F13A1: variants seen among roughly 807,000 people sequenced by gnomAD.
F13A1 encodes the protein FSF, A subunit.
In F13A1, 47 loss-of-function variants were observed where a neutral mutation model predicts 80.1. The ratio of observed to expected loss-of-function variants is 0.59; its 90% CI spans 0.46 to 0.75. The LOEUF (loss-of-function observed/expected upper bound fraction) is 0.75. Ranked by LOEUF, F13A1 falls within the 30% of genes least tolerant of loss-of-function variation. The probability of loss-of-function intolerance (pLI) is 0.00; values close to 1 mark genes in which losing one functional copy is unlikely to be tolerated. For synonymous variants in F13A1, 349 were observed against 344.9 expected, an observed-to-expected ratio of 1.01 and a Z score of -0.13; for missense variants, 817 against 930.4, an observed-to-expected ratio of 0.88 and a Z score of 1.59.
intron 10 of F13A1, among the ~76,000 whole-genome samples, chr6:6,190,060 G>T (rs1163626755): frequency 1.3e-5 from 2 of 152,108 alleles, no homozygotes; most frequent in African/African-American, 2.4e-5. Context: ...CTTGAGCCTT[G>T]CTTTTCAGCT....
At chr6:6,220,147 C>G (rs969448699) in intron 8 of F13A1, among the ~76,000 whole-genome samples, 5 of 152,146 alleles carry the variant, frequency 3.3e-5, no homozygotes, top group Non-Finnish European at 7.3e-5. Context: ...GGTCTCAGCC[C>G]CGCAGTCAGT....
intron 12 of F13A1, among the ~76,000 whole-genome samples, chr6:6,170,452 A>G (rs567485661): frequency 6.6e-6 from 1 of 152,334 alleles, no homozygotes; most frequent in African/African-American, 2.4e-5. Context: ...TTGCCACTGC[A>G]CAAGAAATTG....
intron 8 of F13A1, among the ~76,000 whole-genome samples, chr6:6,205,397 A>G (rs1158451162): frequency 2.6e-5 from 4 of 152,362 alleles, no homozygotes; most frequent in Middle Eastern, 6.8e-3. Context: ...CGGAAAGGAC[A>G]TCAACGCTAA....
chr6:6,206,824 G>A (rs1487370163), intron 8 of F13A1, among the ~76,000 whole-genome samples: 1 of 150,726 alleles, frequency 6.6e-6, no homozygotes, highest in Admixed American at 6.7e-5. Flanking sequence ...AATAATATGT[G>A]TTTCAGCAGA....
chr6:6,194,229 T>A (rs971387028), intron 10 of F13A1, among the ~76,000 whole-genome samples: 4 of 152,000 alleles, frequency 2.6e-5, no homozygotes. Flanking sequence ...GTGAAAACTC[T>A]CCCTCACTTA....
At chr6:6,302,817 G>A (rs188710787) in intron 3 of F13A1, among the ~76,000 whole-genome samples, 1 of 152,150 alleles carries the variant, frequency 6.6e-6, no homozygotes, top group Non-Finnish European at 1.5e-5. Context: ...ATCTGTCATT[G>A]ACTGAAATGT....
chr6:6,220,503 T>C (rs1757176254), intron 8 of F13A1, among the ~76,000 whole-genome samples: 1 of 151,992 alleles, frequency 6.6e-6, no homozygotes, highest in Admixed American at 6.6e-5. Flanking sequence ...ATCAAGGAGC[T>C]GGGAAAGATA....
chr6:6,311,094 A>AT (rs1205518769), intron 2 of F13A1, among the ~76,000 whole-genome samples: 3 of 151,694 alleles, frequency 2.0e-5, no homozygotes, highest in Admixed American at 6.6e-5. Flanking sequence ...TATATAGGTG[A>AT]TTTTTTAGCC....
intron 3 of F13A1, among the ~76,000 whole-genome samples, chr6:6,282,110 G>C (rs1274520035): frequency 6.6e-6 from 1 of 152,052 alleles, no homozygotes; most frequent in Non-Finnish European, 1.5e-5. Flanking sequence ...GGTTGAATTG[G>C]GAAATACTGA....
In F13A1 at chr6:6,316,096, T is replaced by C. The variant is rs1327432830; in HGVS notation, c.130+2439A>G. 3.5e-3 allele frequency among the ~76,000 whole-genome samples: 82 copies of C among 23,416 alleles called. 2 individuals carry two copies. Among genetic ancestry groups the C allele is most frequent in the African/African-American group, 0.011 (45 of 4,160 alleles). The allele number at this position is 23,416 out of a possible 152,430, so 15.4% of individuals were successfully genotyped here. On this transcript the variant is annotated intron_variant, in intron 2 of 14. Coordinates refer to ENST00000264870, the MANE Select transcript of F13A1 (RefSeq NM_000129.4). ...GTGTGTGCATATATATATATATATA[T>C]ATATATATATATATATATATATATA... is the stretch of plus-strand genomic sequence containing the variant.
At position 6,314,496 on chromosome 6, in the gene F13A1, T is replaced by C. The variant is rs3024341; in HGVS notation, c.130+4039A>G. ...TCCCTCTACTGCAAACACTTTTCCA[T>C]GCGCTTGCCTGTCAGGAACACTCAT... On this transcript the variant is annotated intron_variant, in intron 2 of 14. Transcript: ENST00000264870. Among the ~76,000 whole-genome samples the C allele has an allele frequency of 5.4e-3, 825 of 152,274 alleles. 2 individuals are homozygous for C. Among genetic ancestry groups the C allele is most frequent in the African/African-American group, 0.019 (776 of 41,544 alleles).
At chr6:6,171,216 C>T (rs973384442) in intron 12 of F13A1, among the ~76,000 whole-genome samples, 1 of 152,220 alleles carries the variant, frequency 6.6e-6, no homozygotes, top group African/African-American at 2.4e-5. Context: ...ACCTGGCCCA[C>T]TTGGGGCCAA....
intron 3 of F13A1, among the ~76,000 whole-genome samples, chr6:6,276,261 G>A (rs1757986710): frequency 6.6e-6 from 1 of 152,226 alleles, no homozygotes; most frequent in Admixed American, 6.5e-5. Context: ...AGGAGGAGGG[G>A]AGATGTCAGG....
chr6:6,263,009 T>C (rs13204446), intron 4 of F13A1, among the ~76,000 whole-genome samples: 25,499 of 152,226 alleles, frequency 0.17, 2,238 homozygotes, highest in Non-Finnish European at 0.19. Flanking sequence ...GAAGCATCCA[T>C]AGTTTCAAAG....
rs1301369341 is a variant in F13A1, at chr6:6,162,322, G to GC, written c.1908+5135dup. ...CATACTGCCGTCCACCTCCCCTCTA[G>GC]CCCTTGCTAACATTTTCTTCCTAGT... On this transcript the variant is annotated intron_variant, in intron 13 of 14. Transcript: ENST00000264870. This position sits in a 1 kb window ranked among gnomAD's most constrained non-coding sequence, Gnocchi z 4.2. 6.6e-6 allele frequency among the ~76,000 whole-genome samples: 1 copy of GC among 152,076 alleles called. No homozygotes were observed. The highest frequency in any genetic ancestry group is 1.9e-4 in the East Asian group (1 of 5,186).
At chr6:6,252,566 G>C (rs1028714020) in intron 4 of F13A1, among the ~76,000 whole-genome samples, 4 of 152,162 alleles carry the variant, frequency 2.6e-5, no homozygotes, top group Non-Finnish European at 4.4e-5. Context: ...GCAAAATCTT[G>C]ATAACCATTA....
At chr6:6,235,979 A>C (rs1434241062) in intron 6 of F13A1, among the ~76,000 whole-genome samples, 2 of 152,158 alleles carry the variant, frequency 1.3e-5, no homozygotes, top group Admixed American at 1.3e-4. Flanking sequence ...AGAGGAATGA[A>C]CTACTGAAAC....
chr6:6,241,777 C>T (rs1203359643), intron 6 of F13A1, among the ~76,000 whole-genome samples: 6 of 152,180 alleles, frequency 3.9e-5, no homozygotes, highest in Non-Finnish European at 8.8e-5. Context: ...GAAATAAATA[C>T]AAACTTTATA....
At chr6:6,288,694 G>C (rs927596060) in intron 3 of F13A1, among the ~76,000 whole-genome samples, 1 of 152,148 alleles carries the variant, frequency 6.6e-6, no homozygotes, top group Non-Finnish European at 1.5e-5. Context: ...GCTGAATCAC[G>C]TTAGTTCTAT....
Sources: gnomAD v4.1 joint callset for allele counts (sites outside exome capture counted in the v4.1 genomes callset) on GRCh38, gnomAD v4.1.1 for gene constraint, Gnocchi (gnomAD v3.1) non-coding constraint, MANE v1.5 for transcripts, NCBI Gene and HGNC (gene_info 2026-07-23, HGNC 2026-07-21) for gene names.